The following RBFOX3 variants were observed in gnomAD, a reference collection of about 807,000 sequenced individuals.
RBFOX3 encodes the protein RNA binding fox-1 homolog 3, also known as RNA binding protein fox-1 homolog 3.
In RBFOX3, 17 loss-of-function variants were observed where a neutral mutation model predicts 48.7. That is an observed-to-expected ratio of 0.35 (90% CI 0.24 to 0.52). The LOEUF (loss-of-function observed/expected upper bound fraction) is 0.52, where lower values mean the gene tolerates loss of function less well. RBFOX3 is among the 20% of genes least tolerant of loss of function. The pLI is 0.94. For synonymous variants in RBFOX3, 212 were observed against 209.5 expected (o/e 1.01, Z -0.10); for missense variants, 382 against 497.5 (o/e 0.77, Z 2.21).
chr17:79,340,172 G>C (rs1339015793), intron 2 of RBFOX3, among the ~76,000 whole-genome samples: 1 of 151,984 alleles, frequency 6.6e-6, no homozygotes, highest in African/African-American at 2.4e-5. Context: ...GGTGGTGCAC[G>C]CCTGTAATCC....
intron 3 of RBFOX3, among the ~76,000 whole-genome samples, chr17:79,294,094 A>G (rs2073916664): frequency 6.6e-6 from 1 of 152,206 alleles, no homozygotes; most frequent in Non-Finnish European, 1.5e-5. Context: ...ATGCTCTTCA[A>G]CTGGGGCCAC....
In RBFOX3 at chr17:79,090,846, T is replaced by C; in HGVS notation, c.*37A>G. ...GTGATTTTTTTTGTTTTTTTGTTTT[T>C]GCCCTTCATGGTCCGAGAAGGAAAC... is the stretch of plus-strand genomic sequence containing the variant. On this transcript the variant is annotated 3_prime_UTR_variant, in exon 15 of 15. Transcript: ENST00000693108. 1 of 1,515,534 alleles carries C rather than the reference T, an allele frequency of 6.6e-7. No individual in the cohort carries two copies. The highest frequency in any genetic ancestry group is 8.8e-7 in the Non-Finnish European group (1 of 1,135,624). 93.9% of individuals were successfully genotyped at this position (1,515,534 alleles called of 1,614,324 possible).
chr17:79,327,776 A>G (rs1056415408), intron 2 of RBFOX3, among the ~76,000 whole-genome samples: 1 of 151,824 alleles, frequency 6.6e-6, no homozygotes, highest in African/African-American at 2.4e-5. Flanking sequence ...GCTCACTGCA[A>G]CCTCCGCCTC....
rs2055504917 is a variant in RBFOX3, at chr17:79,195,980, G to A, written c.-34+39786C>T. Among the ~76,000 whole-genome samples, 2 of 152,296 alleles carry A rather than the reference G, an allele frequency of 1.3e-5. No homozygotes were observed. The highest frequency in any genetic ancestry group is 4.2e-4 in the South Asian group (2 of 4,816). ...ATCATCAGAACACCCTGGACAAATT[G>A]GATCTCAGGCACCCAGAGCACCCTC... On this transcript the variant is annotated intron_variant, in intron 4 of 14. Coordinates refer to ENST00000693108, the MANE Select transcript of RBFOX3 (RefSeq NM_001350451.2). The surrounding 1 kb of genome is among the most constrained non-coding windows in gnomAD (Gnocchi z 5.3).
At chr17:79,501,181 A>G (rs1019252625) in intron 1 of RBFOX3, among the ~76,000 whole-genome samples, 6 of 152,226 alleles carry the variant, frequency 3.9e-5, no homozygotes, top group Admixed American at 6.5e-5. Context: ...GAAAGCTATT[A>G]TCTTCCTCCG....
intron 2 of RBFOX3, among the ~76,000 whole-genome samples, chr17:79,434,740 T>C (rs1555730170): frequency 6.6e-6 from 1 of 152,158 alleles, no homozygotes; most frequent in African/African-American, 2.4e-5. Context: ...ATTCAATTCA[T>C]AGTACTTCAA....
chr17:79,334,958 C>CT (rs1378756343), intron 2 of RBFOX3, among the ~76,000 whole-genome samples: 3 of 152,226 alleles, frequency 2.0e-5, no homozygotes, highest in Admixed American at 2.0e-4. Context: ...CTTGGACATT[C>CT]TGTCTAGAAT....
At chr17:79,221,213 G>T (rs556995328) in intron 4 of RBFOX3, among the ~76,000 whole-genome samples, 1 of 152,388 alleles carries the variant, frequency 6.6e-6, no homozygotes, top group South Asian at 2.1e-4. Flanking sequence ...TACAGCCAGG[G>T]ACCCAGGCCC....
At chr17:79,497,144 A>T (rs917304534) in intron 1 of RBFOX3, among the ~76,000 whole-genome samples, 1 of 150,918 alleles carries the variant, frequency 6.6e-6, no homozygotes, top group Admixed American at 6.6e-5. Context: ...GTGCACTGCC[A>T]CTCCTCCCCC....
chr17:79,324,790 ACGCT>A (rs1211998143), intron 2 of RBFOX3, among the ~76,000 whole-genome samples: 1 of 152,216 alleles, frequency 6.6e-6, no homozygotes, highest in Admixed American at 6.5e-5. Context: ...TGGGAGGCAG[ACGCT>A]CATTCATCAC....
chr17:79,103,124 C>T lies in RBFOX3; in HGVS notation c.507+38G>A. 6.8e-7 allele frequency: 1 copy of T among 1,480,370 alleles called. No homozygotes were observed. The highest frequency in any genetic ancestry group is 9.2e-7 in the Non-Finnish European group (1 of 1,083,220). 91.7% of individuals were successfully genotyped at this position (1,480,370 alleles called of 1,614,324 possible). On this transcript the variant is annotated intron_variant, in intron 8 of 14. Coordinates refer to ENST00000693108, the MANE Select transcript of RBFOX3 (RefSeq NM_001350451.2). This position sits in a 1 kb window ranked among gnomAD's most constrained non-coding sequence, Gnocchi z 6.1. ...GGGAGCTGGGGGGCAGGTGGGCGAT[C>T]TTGGGGCATCCCTGCCGCAGCACAC...
At chr17:79,312,856 G>GA (rs2077042843) in intron 2 of RBFOX3, among the ~76,000 whole-genome samples, 1 of 152,236 alleles carries the variant, frequency 6.6e-6, no homozygotes, top group Non-Finnish European at 1.5e-5. Flanking sequence ...CCTCGAGGGG[G>GA]AGAGAGCTGG....
At chr17:79,377,288 C>T (rs551666777) in intron 2 of RBFOX3, among the ~76,000 whole-genome samples, 18 of 152,204 alleles carry the variant, frequency 1.2e-4, no homozygotes, top group South Asian at 6.2e-4. Context: ...TACACAGAGA[C>T]GCATACAGAG....
intron 1 of RBFOX3, among the ~76,000 whole-genome samples, chr17:79,567,180 C>CTTTTTTTT (rs1159762873): frequency 3.5e-4 from 32 of 92,060 alleles, no homozygotes; most frequent in South Asian, 4.6e-4. Flanking sequence ...TTCTTTCTTT[C>CTTTTTTTT]TTTTTTTTTT....
rs555200955 is a variant in RBFOX3, at chr17:79,090,267, A to ACGGCTTCCTCGCCCC, written c.*615_*616insGGGGCGAGGAAGCCG. 5.5e-4 allele frequency: 84 copies of ACGGCTTCCTCGCCCC among 152,402 alleles called. No homozygotes were observed. The highest frequency in any genetic ancestry group is 2.0e-3 in the African/African-American group (81 of 41,520). 9.4% of individuals were successfully genotyped at this position (152,402 alleles called of 1,614,324 possible). A position where few individuals can be genotyped will look rare whatever the true frequency, so the allele number is the denominator to read the frequency against. ...GAGCTGGCCCCGGGGCTACTGTTGG[A>ACGGCTTCCTCGCCCC]CGGCTTCCTCGCCAGGCTGGGGGCA... On this transcript the variant is annotated 3_prime_UTR_variant, in exon 15 of 15. Coordinates refer to ENST00000693108, the MANE Select transcript of RBFOX3 (RefSeq NM_001350451.2).
intron 4 of RBFOX3, among the ~76,000 whole-genome samples, chr17:79,192,440 T>A (rs1262690066): frequency 6.6e-6 from 1 of 152,176 alleles, no homozygotes; most frequent in Non-Finnish European, 1.5e-5. Flanking sequence ...GTCACCAAAC[T>A]CGGGAGCAGC....
At chr17:79,123,566 C>T (rs1019726649) in intron 4 of RBFOX3, among the ~76,000 whole-genome samples, 5 of 152,080 alleles carry the variant, frequency 3.3e-5, no homozygotes, top group East Asian at 1.9e-4. Context: ...AGAGGGGACA[C>T]GCTAACAACG....
At chr17:79,128,999 C>T (rs1399496710) in intron 4 of RBFOX3, among the ~76,000 whole-genome samples, 3 of 152,174 alleles carry the variant, frequency 2.0e-5, no homozygotes, top group Non-Finnish European at 4.4e-5. Flanking sequence ...CTTTCCAGAA[C>T]CTCAGCAGTG....
At chr17:79,186,003 C>G (rs766332948) in intron 4 of RBFOX3, among the ~76,000 whole-genome samples, 16 of 152,152 alleles carry the variant, frequency 1.1e-4, no homozygotes, top group Non-Finnish European at 1.9e-4. Context: ...GGGGTGTGGC[C>G]AGGGAAGGTT....
Sources: gnomAD v4.1 joint callset for allele counts (sites outside exome capture counted in the v4.1 genomes callset) on GRCh38, gnomAD v4.1.1 for gene constraint, Gnocchi (gnomAD v3.1) non-coding constraint, MANE v1.5 for transcripts, NCBI Gene and HGNC (gene_info 2026-07-23, HGNC 2026-07-21) for gene names.